HOMER1: variants seen among roughly 807,000 people sequenced by gnomAD.
HOMER1 encodes homer scaffold protein 1.
In HOMER1, 3 loss-of-function variants were observed where a neutral mutation model predicts 48.9. That is an observed-to-expected ratio of 0.06 (90% CI 0.03 to 0.16). The LOEUF is 0.16. Among genes scored for constraint, HOMER1 ranks in the 10% least tolerant of loss-of-function variants. The pLI, the probability that HOMER1 is intolerant of heterozygous loss-of-function variation, is 1.00. For synonymous variants in HOMER1, 134 were observed against 146.4 expected, an observed-to-expected ratio of 0.92 and a Z score of 0.61; for missense variants, 247 against 411.4, an observed-to-expected ratio of 0.60 and a Z score of 3.46.
chr5:79,443,086 A>G (rs918190244), intron 4 of HOMER1, among the ~76,000 whole-genome samples: 1 of 152,198 alleles, frequency 6.6e-6, no homozygotes, highest in Non-Finnish European at 1.5e-5. Flanking sequence ...AGCTGCATCA[A>G]ATGCTTACCA....
In HOMER1 at chr5:79,513,336, G is replaced by A. The variant is rs943346752; in HGVS notation, c.-562C>T. ...AAAAACTACACAGGAAAATCTCCTC[G>A]AAGTGCAAACCCGGCAGCTCGCAAC... On this transcript the variant is annotated 5_prime_UTR_variant, in exon 1 of 9. Coordinates refer to ENST00000334082, the MANE Select transcript of HOMER1 (RefSeq NM_004272.5). 1.3e-5 allele frequency: 2 copies of A among 154,780 alleles called. No individual in the cohort carries two copies. The highest frequency in any genetic ancestry group is 4.8e-5 in the African/African-American group (2 of 41,458). The allele number at this position is 154,780 out of a possible 1,614,324, so 9.6% of individuals were successfully genotyped here.
chr5:79,487,227 C>G (rs993561714), intron 1 of HOMER1, among the ~76,000 whole-genome samples: 3 of 152,052 alleles, frequency 2.0e-5, no homozygotes, highest in Non-Finnish European at 4.4e-5. Flanking sequence ...TGCAGTGAGC[C>G]GAGACAGCAC....
intron 1 of HOMER1, among the ~76,000 whole-genome samples, chr5:79,469,865 A>C (rs1561376066): frequency 6.6e-6 from 1 of 152,132 alleles, no homozygotes; most frequent in African/African-American, 2.4e-5. Flanking sequence ...ATAATGTCTC[A>C]ATTTTGGGTT....
chr5:79,413,342 A>G (rs1749855678), intron 5 of HOMER1, among the ~76,000 whole-genome samples: 2 of 152,222 alleles, frequency 1.3e-5, no homozygotes. Context: ...TATCACATGT[A>G]TTAGTCATAC....
intron 1 of HOMER1, among the ~76,000 whole-genome samples, chr5:79,478,100 G>T (rs1189183173): frequency 6.6e-6 from 1 of 152,100 alleles, no homozygotes. Context: ...TTACAACGAG[G>T]CATTTAAAGA....
At chr5:79,426,493 C>A (rs1253371728) in intron 5 of HOMER1, among the ~76,000 whole-genome samples, 1 of 151,852 alleles carries the variant, frequency 6.6e-6, no homozygotes, top group Non-Finnish European at 1.5e-5. Flanking sequence ...CTGTCATTTG[C>A]AACAACATGA....
At position 79,376,113 on chromosome 5, in the gene HOMER1, C is replaced by T. The variant is rs1423057558; in HGVS notation, c.961G>A (p.Ala321Thr). ...AGTGTCTTCAGGTTATTGCGAAAAGCTTCTTGTTCATTCTGACTTTTCTCC... is the reference window on the plus strand; with the variant it reads ...AGTGTCTTCAGGTTATTGCGAAAAGTTTCTTGTTCATTCTGACTTTTCTCC... ...RLEKSQNEQE[A>T]FRNNLKTLLE... Residue 321 changes from alanine (A) to threonine (T), a missense_variant, in exon 9 of 9, where the codon GCT becomes ACT. Physicochemically the swap from Ala to Thr is moderately conservative, Grantham distance 58. Transcript: ENST00000334082. 1 of 1,613,558 alleles carries T rather than the reference C, an allele frequency of 6.2e-7. No individual in the cohort carries two copies.
At chr5:79,452,731 G>A (rs1751062360) in intron 2 of HOMER1, among the ~76,000 whole-genome samples, 1 of 151,784 alleles carries the variant, frequency 6.6e-6, no homozygotes, top group South Asian at 2.1e-4. Flanking sequence ...CTTTCTCTCA[G>A]ACAGAAGATG....
At chr5:79,476,251 G>A (rs983207163) in intron 1 of HOMER1, among the ~76,000 whole-genome samples, 4 of 152,106 alleles carry the variant, frequency 2.6e-5, no homozygotes, top group South Asian at 2.1e-4. Context: ...GAAAAAAAAC[G>A]AACTCAAGCC....
In HOMER1 at chr5:79,493,503, C is replaced by T. The variant is rs1752343705; in HGVS notation, c.5+19267G>A. Among the ~76,000 whole-genome samples the T allele has an allele frequency of 2.0e-5, 3 of 152,214 alleles. No individual in the cohort carries two copies. In the South Asian group the frequency reaches 6.2e-4, roughly 32 times the overall value. On this transcript the variant is annotated intron_variant, in intron 1 of 8. Transcript: ENST00000334082. ...CATATACTTAGAACACCGCCTGACA[C>T]ATAACAGGTAATCAATGAATGTTTG...
intron 1 of HOMER1, among the ~76,000 whole-genome samples, chr5:79,474,873 T>C (rs2112331431): frequency 6.6e-6 from 1 of 152,360 alleles, no homozygotes. Flanking sequence ...TGACAGTTTC[T>C]AAACTTCTGC....
intron 5 of HOMER1, among the ~76,000 whole-genome samples, chr5:79,427,658 T>TC (rs1175149890): frequency 4.5e-5 from 5 of 111,652 alleles, no homozygotes; most frequent in African/African-American, 2.0e-4. Context: ...CTACCTTCCT[T>TC]CCTTCCTTTC....
chr5:79,505,598 T>G (rs1752744959), intron 1 of HOMER1, among the ~76,000 whole-genome samples: 2 of 152,170 alleles, frequency 1.3e-5, no homozygotes, highest in Admixed American at 1.3e-4. Context: ...TCTTCTTGTT[T>G]TATGAAAGAA....
chr5:79,470,408 C>A (rs1046932205), intron 1 of HOMER1, among the ~76,000 whole-genome samples: 8 of 152,178 alleles, frequency 5.3e-5, no homozygotes, highest in African/African-American at 1.9e-4. Flanking sequence ...CAGATCATGG[C>A]CAAAAGATTT....
At chr5:79,461,144 C>T (rs148741218) in intron 1 of HOMER1, among the ~76,000 whole-genome samples, 129 of 152,056 alleles carry the variant, frequency 8.5e-4, no homozygotes, top group Admixed American at 3.3e-4. Context: ...TAAGCATGTC[C>T]GTAATTTCCA....
At chr5:79,394,446 C>T (rs984677885) in intron 8 of HOMER1, among the ~76,000 whole-genome samples, 2 of 152,148 alleles carry the variant, frequency 1.3e-5, no homozygotes, top group Non-Finnish European at 2.9e-5. Context: ...CTAAAAGCTT[C>T]CCTGTCCTGT....
chr5:79,429,446 C>T (rs1033841063), intron 5 of HOMER1, among the ~76,000 whole-genome samples: 2 of 152,042 alleles, frequency 1.3e-5, no homozygotes, highest in African/African-American at 4.8e-5. Flanking sequence ...AGAAATAAAC[C>T]CTCATATTTA....
At chr5:79,496,355 C>G (rs1195805086) in intron 1 of HOMER1, among the ~76,000 whole-genome samples, 1 of 152,174 alleles carries the variant, frequency 6.6e-6, no homozygotes, top group South Asian at 2.1e-4. Flanking sequence ...CAAACAGAAC[C>G]CTGTCCCCGC....
chr5:79,501,931 G>T (rs533832556), intron 1 of HOMER1, among the ~76,000 whole-genome samples: 1 of 151,236 alleles, frequency 6.6e-6, no homozygotes, highest in African/African-American at 2.4e-5. Context: ...AGCCAATCTT[G>T]AAAAGAATAA....
Sources: allele counts gnomAD v4.1 joint callset (sites outside exome capture counted in the v4.1 genomes callset), GRCh38; gene constraint gnomAD v4.1.1; transcripts MANE v1.5; gene names NCBI Gene and HGNC (gene_info 2026-07-23, HGNC 2026-07-21).